The following NAV2 variants were observed in gnomAD, a reference collection of about 807,000 sequenced individuals.
The protein encoded by NAV2 is helicase, APC down-regulated 1.
In NAV2, 54 loss-of-function variants were observed where a neutral mutation model predicts 223.2. That is an observed-to-expected ratio of 0.24 (90% CI 0.19 to 0.30). NAV2 has a LOEUF of 0.30. NAV2 is among the 10% of genes least tolerant of loss of function. The pLI, the probability that NAV2 is intolerant of heterozygous loss-of-function variation, is 1.00. For missense variants in NAV2, 2,806 were observed against 3,147.5 expected, an observed-to-expected ratio of 0.89 and a Z score of 2.60; for synonymous variants, 1,279 against 1,239.3, an observed-to-expected ratio of 1.03 and a Z score of -0.67.
At chr11:19,629,123 C>A (rs1416879707) in intron 1 of NAV2, among the ~76,000 whole-genome samples, 4 of 152,136 alleles carry the variant, frequency 2.6e-5, no homozygotes, top group African/African-American at 9.7e-5. Context: ...GGAGTGCAGC[C>A]TCCCGCTCTG....
At chr11:19,609,551 C>T (rs1424050987) in intron 1 of NAV2, among the ~76,000 whole-genome samples, 2 of 152,110 alleles carry the variant, frequency 1.3e-5, no homozygotes, top group African/African-American at 4.8e-5. Flanking sequence ...GAGCCATCAC[C>T]AGTTCATTCA....
At chr11:19,541,879 C>G (rs1453332791) in intron 1 of NAV2, among the ~76,000 whole-genome samples, 3 of 152,160 alleles carry the variant, frequency 2.0e-5, no homozygotes, top group Non-Finnish European at 4.4e-5. Context: ...TTGAAATATG[C>G]CTTGCCTTAC....
intron 10 of NAV2, among the ~76,000 whole-genome samples, chr11:19,957,530 A>G (rs971458213): frequency 6.6e-6 from 1 of 152,124 alleles, no homozygotes; most frequent in Admixed American, 6.5e-5. Context: ...GGCTACTAAT[A>G]TCAGTCATCC....
At chr11:19,763,399 T>G (rs1350739527) in intron 1 of NAV2, among the ~76,000 whole-genome samples, 1 of 152,212 alleles carries the variant, frequency 6.6e-6, no homozygotes, top group East Asian at 1.9e-4. Context: ...ACAGCATTAT[T>G]TTCTTTGGCT....
chr11:20,010,006 C>T (rs939738913), intron 11 of NAV2, among the ~76,000 whole-genome samples: 1 of 152,150 alleles, frequency 6.6e-6, no homozygotes, highest in Non-Finnish European at 1.5e-5. Flanking sequence ...CTCATCTATA[C>T]TCTAAGCATC....
chr11:20,007,382 C>A (rs1191633276), intron 11 of NAV2, among the ~76,000 whole-genome samples: 1 of 152,166 alleles, frequency 6.6e-6, no homozygotes, highest in Non-Finnish European at 1.5e-5. Context: ...GTTCATATGC[C>A]CAGGATGTGT....
chr11:19,723,825 G>A (rs567869657), intron 1 of NAV2, among the ~76,000 whole-genome samples: 19 of 152,324 alleles, frequency 1.2e-4, no homozygotes, highest in African/African-American at 4.1e-4. Context: ...CTGCAGCTCT[G>A]CAGACAGTCC....
intron 1 of NAV2, among the ~76,000 whole-genome samples, chr11:19,670,982 G>A (rs764548474): frequency 1.3e-5 from 2 of 152,144 alleles, no homozygotes; most frequent in Non-Finnish European, 1.5e-5. Flanking sequence ...CAAAGCCCCC[G>A]CTATGCCAAG....
intron 1 of NAV2, among the ~76,000 whole-genome samples, chr11:19,473,789 C>G (rs2042035466): frequency 6.6e-6 from 1 of 152,164 alleles, no homozygotes. Flanking sequence ...TAACTCTGTC[C>G]CTTTCTGATT....
intron 1 of NAV2, among the ~76,000 whole-genome samples, chr11:19,488,253 GA>G (rs1193340137): frequency 1.3e-4 from 20 of 152,048 alleles, no homozygotes; most frequent in African/African-American, 4.6e-4. Context: ...TCCGTTGATT[GA>G]AAAGATGCAA....
chr11:19,740,467 G>C (rs2052700854), intron 1 of NAV2, among the ~76,000 whole-genome samples: 1 of 152,070 alleles, frequency 6.6e-6, no homozygotes, highest in Non-Finnish European at 1.5e-5. Context: ...AGAGACCTTT[G>C]TTCACGTGTT....
rs60421659 is a variant in NAV2 at position 20,053,218 on chromosome 11, G to GAAAAAAAAAAAAAAAAAA, written c.4482-854_4482-837dup. Among the ~76,000 whole-genome samples the GAAAAAAAAAAAAAAAAAA allele has an allele frequency of 4.9e-5, 2 of 40,974 alleles. 1 individual carries two copies. Among genetic ancestry groups the GAAAAAAAAAAAAAAAAAA allele is most frequent in the Non-Finnish European group, 8.1e-5 (2 of 24,676 alleles). The allele number at this position is 40,974 out of a possible 152,430, so 26.9% of individuals were successfully genotyped here. On this transcript the variant is annotated intron_variant, in intron 17 of 37. Coordinates refer to ENST00000349880, the MANE Select transcript of NAV2 (RefSeq NM_145117.5). Reference sequence around the variant, plus strand: ...GGGCAGTAGAGCAAGACTACGTCTCGAAAAAAAAAAAAAAAAAAAAAAAAA... The same window carrying GAAAAAAAAAAAAAAAAAA: ...GGGCAGTAGAGCAAGACTACGTCTCGAAAAAAAAAAAAAAAAAAAAAAAAAAAAAAAAAAAAAAAAAAA...
chr11:19,414,333 C>A (rs1057473821), intron 1 of NAV2, among the ~76,000 whole-genome samples: 1 of 152,002 alleles, frequency 6.6e-6, no homozygotes, highest in Non-Finnish European at 1.5e-5. Flanking sequence ...CAACAAAGAT[C>A]AAAAAAGAGA....
At chr11:19,739,159 G>T (rs997119707) in intron 1 of NAV2, among the ~76,000 whole-genome samples, 34 of 152,160 alleles carry the variant, frequency 2.2e-4, no homozygotes, top group African/African-American at 8.2e-4. Flanking sequence ...TTCAGTCTGG[G>T]TGACAGAGTG....
intron 1 of NAV2, among the ~76,000 whole-genome samples, chr11:19,742,861 T>A (rs1020934078): frequency 1.3e-5 from 2 of 152,240 alleles, no homozygotes; most frequent in African/African-American, 2.4e-5. Context: ...CTTTGGTGGC[T>A]GTCCTGGCAA....
chr11:20,069,128 A>G (rs376676661), intron 22 of NAV2, among the ~76,000 whole-genome samples: 101 of 152,244 alleles, frequency 6.6e-4, no homozygotes, highest in African/African-American at 2.1e-3. Context: ...AAAATTTTTT[A>G]AAAGGGGGAC....
At chr11:20,112,437 C>T (rs1246874502) in intron 36 of NAV2, among the ~76,000 whole-genome samples, 1 of 152,054 alleles carries the variant, frequency 6.6e-6, no homozygotes, top group Non-Finnish European at 1.5e-5. Flanking sequence ...GGGGTGATAG[C>T]CACGAATACA....
intron 1 of NAV2, among the ~76,000 whole-genome samples, chr11:19,741,815 G>A (rs2052858238): frequency 6.6e-6 from 1 of 151,122 alleles, no homozygotes; most frequent in South Asian, 2.1e-4. Flanking sequence ...CAACAAATAG[G>A]GGAGTGCAGA....
intron 1 of NAV2, among the ~76,000 whole-genome samples, chr11:19,555,119 C>T (rs765880836): frequency 1.4e-4 from 22 of 151,986 alleles, no homozygotes; most frequent in African/African-American, 4.1e-4. Flanking sequence ...TTGGGTTCCC[C>T]GATAAACAGA....
Sources: allele counts gnomAD v4.1 joint callset (sites outside exome capture counted in the v4.1 genomes callset), GRCh38; gene constraint gnomAD v4.1.1; transcripts MANE v1.5; gene names NCBI Gene and HGNC (gene_info 2026-07-23, HGNC 2026-07-21).